The following LMO7 variants were observed in gnomAD, a reference collection of about 807,000 sequenced individuals.
LMO7 encodes LIM domain only protein 7.
A neutral mutation model predicts 206.5 loss-of-function variants in LMO7; 120 were observed. That is an observed-to-expected ratio of 0.58 (90% CI 0.50 to 0.68). LMO7 has a LOEUF of 0.68. Among genes scored for constraint, LMO7 ranks in the 30% least tolerant of loss-of-function variants. The pLI is 0.00. For synonymous variants in LMO7, 706 were observed against 681.5 expected (o/e 1.04, Z -0.56); for missense variants, 1,959 against 1,957.9 (o/e 1.00, Z -0.01).
intron 3 of LMO7, among the ~76,000 whole-genome samples, chr13:75,751,888 T>C (rs2047297654): frequency 6.6e-6 from 1 of 152,180 alleles, no homozygotes; most frequent in Non-Finnish European, 1.5e-5. Flanking sequence ...TCCCTTTATA[T>C]TTGGGAGGTT....
intron 3 of LMO7, among the ~76,000 whole-genome samples, chr13:75,756,561 G>T (rs1169277269): frequency 6.6e-6 from 1 of 152,188 alleles, no homozygotes; most frequent in Non-Finnish European, 1.5e-5. Context: ...TGAAGGAACT[G>T]CCAACCTGTG....
intron 1 of LMO7, among the ~76,000 whole-genome samples, chr13:75,669,658 C>T (rs35510875): frequency 6.6e-6 from 1 of 152,164 alleles, no homozygotes; most frequent in African/African-American, 2.4e-5. Context: ...TGCTTATGTA[C>T]TGAGTTGTTT....
At chr13:75,717,552 A>G (rs927397438) in intron 2 of LMO7, among the ~76,000 whole-genome samples, 1 of 151,678 alleles carries the variant, frequency 6.6e-6, no homozygotes, top group East Asian at 1.9e-4. Flanking sequence ...AATTTATTAA[A>G]GATTATATAT....
intron 4 of LMO7, among the ~76,000 whole-genome samples, chr13:75,770,565 T>C (rs1480808424): frequency 6.6e-6 from 1 of 152,106 alleles, no homozygotes; most frequent in African/African-American, 2.4e-5. Flanking sequence ...GCTTAAGTCT[T>C]AATTTTTGCT....
intron 1 of LMO7, among the ~76,000 whole-genome samples, chr13:75,663,861 A>G (rs966085850): frequency 4.6e-5 from 7 of 152,192 alleles, no homozygotes; most frequent in African/African-American, 1.4e-4. Context: ...TTTTGGTTAC[A>G]TAATAGGTAT....
chr13:75,624,388 T>C (rs2033749242), intron 2 of LMO7, among the ~76,000 whole-genome samples: 1 of 152,196 alleles, frequency 6.6e-6, no homozygotes, highest in South Asian at 2.1e-4. Context: ...CCACCTTCTC[T>C]CATTTGTAGG....
Position 75,760,148 on chromosome 13 carries a change from G to A in LMO7, c.211-784G>A, listed in dbSNP as rs540902439. 5.5e-4 allele frequency among the ~76,000 whole-genome samples: 83 copies of A among 152,026 alleles called. 1 individual carries two copies. Among genetic ancestry groups the A allele is most frequent in the Non-Finnish European group, 9.0e-4 (61 of 67,984 alleles). Reference sequence around the variant, plus strand: ...CTGAAATGTGGCTGGCTTTAAAATAGCATATACTGTAATCTGTGTTTGCAC... The same window carrying A: ...CTGAAATGTGGCTGGCTTTAAAATAACATATACTGTAATCTGTGTTTGCAC... On this transcript the variant is annotated intron_variant, in intron 3 of 30. Coordinates refer to ENST00000377534, the MANE Select transcript of LMO7 (RefSeq NM_001306080.2).
At chr13:75,629,256 T>C (rs2034607364) in intron 2 of LMO7, among the ~76,000 whole-genome samples, 1 of 152,218 alleles carries the variant, frequency 6.6e-6, no homozygotes, top group Non-Finnish European at 1.5e-5. Context: ...CTTTATTAAT[T>C]CTGTACATTA....
intron 7 of LMO7, among the ~76,000 whole-genome samples, chr13:75,802,808 C>G (rs191983108): frequency 6.6e-6 from 1 of 152,288 alleles, no homozygotes; most frequent in East Asian, 1.9e-4. Flanking sequence ...TCTACTGCTA[C>G]TCTCTAGATT....
chr13:75,733,879 G>C (rs963043551), intron 3 of LMO7, among the ~76,000 whole-genome samples: 2 of 152,158 alleles, frequency 1.3e-5, no homozygotes, highest in Non-Finnish European at 2.9e-5. Context: ...CATTTGTTCA[G>C]GGTCACCTTC....
chr13:75,721,607 T>C (rs759063197), intron 2 of LMO7, among the ~76,000 whole-genome samples: 11 of 152,204 alleles, frequency 7.2e-5, no homozygotes, highest in Non-Finnish European at 1.3e-4. Context: ...GAATTAATGA[T>C]CTCCCATTCT....
At chr13:75,827,915 C>T (rs904744312) in intron 15 of LMO7, among the ~76,000 whole-genome samples, 2 of 152,166 alleles carry the variant, frequency 1.3e-5, no homozygotes, top group Non-Finnish European at 2.9e-5. Flanking sequence ...ATATAGTAGT[C>T]AGAGCTTCCC....
chr13:75,658,994 C>T (rs1175934405), intron 1 of LMO7, among the ~76,000 whole-genome samples: 3 of 152,126 alleles, frequency 2.0e-5, no homozygotes, highest in Non-Finnish European at 4.4e-5. Flanking sequence ...TTTTTCTTCT[C>T]TCTAGATGAT....
At chr13:75,813,127 T>C (rs1247421169) in intron 11 of LMO7, among the ~76,000 whole-genome samples, 1 of 152,206 alleles carries the variant, frequency 6.6e-6, no homozygotes, top group Non-Finnish European at 1.5e-5. Flanking sequence ...TGGCACACAG[T>C]AAGCACTCAG....
chr13:75,842,518 A>T (rs942645797), intron 24 of LMO7, among the ~76,000 whole-genome samples: 1 of 152,106 alleles, frequency 6.6e-6, no homozygotes, highest in African/African-American at 2.4e-5. Context: ...TTATTTGTTT[A>T]TCTGTTAGCC....
chr13:75,839,940 TACTG>T (rs2059438084), intron 20 of LMO7, 141 bp from the exon 21 acceptor site: 5 of 680,178 alleles, frequency 7.4e-6, no homozygotes, highest in South Asian at 2.1e-5. Flanking sequence ...AAAAAGGATT[TACTG>T]ACTATTGTTT....
chr13:75,835,810 A>G (rs1230736940), intron 18 of LMO7, among the ~76,000 whole-genome samples: 1 of 152,178 alleles, frequency 6.6e-6, no homozygotes, highest in African/African-American at 2.4e-5. Context: ...GTTAAGAGAT[A>G]ATCAGTTTCA....
chr13:75,682,117 TC>T (rs1240937928), intron 1 of LMO7, among the ~76,000 whole-genome samples: 1 of 152,210 alleles, frequency 6.6e-6, no homozygotes, highest in Non-Finnish European at 1.5e-5. Context: ...GTATGAGAGT[TC>T]TATTCTTCTA....
At chr13:75,688,463 G>A (rs1450212811) in intron 1 of LMO7, 1 of 152,184 alleles carries the variant, frequency 6.6e-6, no homozygotes, top group Non-Finnish European at 1.5e-5. Flanking sequence ...TTCAACTTCT[G>A]TCGGTTTTCT....
Sources: allele counts gnomAD v4.1 joint callset (sites outside exome capture counted in the v4.1 genomes callset), GRCh38; gene constraint gnomAD v4.1.1; transcripts MANE v1.5; gene names NCBI Gene and HGNC (gene_info 2026-07-23, HGNC 2026-07-21).